The following SGCD variants were observed in gnomAD, a reference collection of about 807,000 sequenced individuals.
SGCD encodes the protein sarcoglycan delta, also known as delta-sarcoglycan.
SGCD carries 18 observed loss-of-function variants against 36.6 expected under a neutral mutation model. That is an observed-to-expected ratio of 0.49 (90% CI 0.34 to 0.73). The LOEUF (loss-of-function observed/expected upper bound fraction) is 0.73, where lower values mean the gene tolerates loss of function less well. SGCD is among the 30% of genes least tolerant of loss of function. The probability of loss-of-function intolerance (pLI) is 0.01; values close to 1 mark genes in which losing one functional copy is unlikely to be tolerated. For synonymous variants in SGCD, 133 were observed against 130.6 expected, an observed-to-expected ratio of 1.02 and a Z score of -0.12; for missense variants, 387 against 346.7, an observed-to-expected ratio of 1.12 and a Z score of -0.92.
At chr5:155,907,126 A>G (rs953673171) in intron 1 of SGCD, among the ~76,000 whole-genome samples, 1 of 152,104 alleles carries the variant, frequency 6.6e-6, no homozygotes, top group Non-Finnish European at 1.5e-5. Flanking sequence ...TGCTCTAGAA[A>G]TGGAACAGCA....
At chr5:156,362,201 A>C (rs931322805) in intron 3 of SGCD, among the ~76,000 whole-genome samples, 2 of 152,226 alleles carry the variant, frequency 1.3e-5, no homozygotes, top group Non-Finnish European at 2.9e-5. Flanking sequence ...TATGTCATTC[A>C]TGAGAGGCCA....
In SGCD at chr5:156,146,031, G is replaced by A. The variant is rs149433348; in HGVS notation, c.-44+22012G>A. On this transcript the variant is annotated intron_variant, in intron 3 of 9. Coordinates refer to the SGCD transcript ENST00000517913. ...GATCGAGACCATCCTGGCTAACATG[G>A]TGAAACCCCGTCACTACTAAAAATA... Among the ~76,000 whole-genome samples, 1,451 of 152,212 alleles carry A rather than the reference G, an allele frequency of 9.5e-3. 17 individuals are homozygous for A. The highest frequency in any genetic ancestry group is 0.033 in the African/African-American group (1,385 of 41,536).
chr5:155,835,154 G>A, the SGCD span, among the ~76,000 whole-genome samples: 2 of 151,166 alleles, frequency 1.3e-5, no homozygotes, highest in African/African-American at 4.9e-5. Flanking sequence ...GATTACAGGC[G>A]CCCACCACCA....
intron 1 of SGCD, among the ~76,000 whole-genome samples, chr5:155,895,652 A>C (rs921270337): frequency 1.3e-5 from 2 of 151,638 alleles, no homozygotes; most frequent in African/African-American, 4.8e-5. Context: ...GTCAAATTTG[A>C]AGTATAATGA....
At chr5:156,589,360 G>C in intron 5 of SGCD, 42 bp downstream of exon 5, 1 of 1,124,486 alleles carries the variant, frequency 8.9e-7, no homozygotes, top group Non-Finnish European at 1.3e-6. Context: ...CCCATGCGAG[G>C]CACTCAGAAT....
chr5:156,278,156 CAG>C (rs1463614580), intron 3 of SGCD, among the ~76,000 whole-genome samples: 1 of 152,008 alleles, frequency 6.6e-6, no homozygotes, highest in Non-Finnish European at 1.5e-5. Flanking sequence ...GGTCCTGAGA[CAG>C]AAGAGAAACT....
In SGCD at chr5:156,508,666, A is replaced by G. The variant is rs755568661; in HGVS notation, c.258A>G (p.Leu86=). The change falls in exon 4 of 9, where the codon TTA becomes TTG. Residue 86 remains leucine, a synonymous_variant. Transcript: ENST00000337851. ...AGCTAGAAGGAGACTCTGAATTCTT[A>G]CAACCTCTCTACGCCAAAGAAATCC... ...GLKLEGDSEF[L]QPLYAKEIQS... is the part of the protein sequence containing the mutation. The G allele has an allele frequency of 3.7e-6, 6 of 1,611,506 alleles. No individual in the cohort carries two copies. The highest frequency in any genetic ancestry group is 4.2e-6 in the Non-Finnish European group (5 of 1,178,202).
At chr5:156,723,850 A>T (rs1457749421) in intron 7 of SGCD, among the ~76,000 whole-genome samples, 3 of 150,100 alleles carry the variant, frequency 2.0e-5, no homozygotes, top group East Asian at 2.0e-4. Flanking sequence ...TTTTAAGCCA[A>T]GTGTGTGTGT....
chr5:156,156,619 G>A (rs1762970921), intron 3 of SGCD, among the ~76,000 whole-genome samples: 1 of 151,390 alleles, frequency 6.6e-6, no homozygotes. Flanking sequence ...GTCAGACTCT[G>A]CCTCAAGAAA....
intron 7 of SGCD, among the ~76,000 whole-genome samples, chr5:156,742,566 T>C (rs1756739409): frequency 6.6e-6 from 1 of 152,142 alleles, no homozygotes; most frequent in African/African-American, 2.4e-5. Context: ...TGCTACCTCT[T>C]ATGCACTTTC....
intron 1 of SGCD, among the ~76,000 whole-genome samples, chr5:155,879,646 C>T (rs1036297001): frequency 1.3e-5 from 2 of 152,142 alleles, no homozygotes. Flanking sequence ...GGAGAAAAGG[C>T]ATTGTTTTTC....
chr5:156,259,294 T>A (rs1286166068), intron 3 of SGCD, among the ~76,000 whole-genome samples: 1 of 152,026 alleles, frequency 6.6e-6, no homozygotes, highest in Non-Finnish European at 1.5e-5. Context: ...AGTTTGTGCC[T>A]ATCGTTTTAT....
intron 1 of SGCD, among the ~76,000 whole-genome samples, chr5:156,088,730 G>A (rs1433219523): frequency 1.3e-5 from 2 of 152,108 alleles, no homozygotes; most frequent in African/African-American, 4.8e-5. Flanking sequence ...ATGTTGCCCA[G>A]CCTGCAAGTG....
At position 156,162,622 on chromosome 5, in the gene SGCD, A is replaced by G. The variant is rs947708692; in HGVS notation, c.-44+38603A>G. Among the ~76,000 whole-genome samples the G allele has an allele frequency of 5.3e-5, 8 of 151,538 alleles. 1 individual carries two copies. Among genetic ancestry groups the G allele is most frequent in the African/African-American group, 2.0e-4 (8 of 40,870 alleles). Reference sequence around the variant, plus strand: ...GAAGAGATGGTGCATTGTACTCATCACCATTCCCCCATCGTTTTGTCCTTG... The same window carrying G: ...GAAGAGATGGTGCATTGTACTCATCGCCATTCCCCCATCGTTTTGTCCTTG... On this transcript the variant is annotated intron_variant, in intron 3 of 9. Transcript: ENST00000517913.
chr5:156,094,673 T>C (rs571506241), intron 1 of SGCD, among the ~76,000 whole-genome samples: 33 of 152,182 alleles, frequency 2.2e-4, no homozygotes, highest in Non-Finnish European at 3.7e-4. Context: ...GCCCAGAATG[T>C]ACCCCAAGGG....
intron 1 of SGCD, among the ~76,000 whole-genome samples, chr5:156,048,651 C>T (rs1394147144): frequency 1.1e-4 from 17 of 152,106 alleles, no homozygotes; most frequent in African/African-American, 2.2e-4. Context: ...TCATATCCTT[C>T]ACCCACTTTT....
At chr5:155,876,193 TC>T (rs1287484199) in intron 1 of SGCD, among the ~76,000 whole-genome samples, 5 of 76,470 alleles carry the variant, frequency 6.5e-5, no homozygotes, top group Admixed American at 3.5e-4. Flanking sequence ...ATGCTATCCC[TC>T]CCCCCTCCCC....
chr5:156,380,096 G>GAA (rs1770895907), intron 3 of SGCD, among the ~76,000 whole-genome samples: 1 of 152,076 alleles, frequency 6.6e-6, no homozygotes, highest in Non-Finnish European at 1.5e-5. Flanking sequence ...TAGAGTTCTT[G>GAA]GTGGTTGAGT....
In SGCD at chr5:156,161,990, C is replaced by T. The variant is rs567378172; in HGVS notation, c.-44+37971C>T. ...TAATTTCAGGTCAAACTTTTGATTT[C>T]CCCCCACTCATATTCCTTTCTGGAG... On this transcript the variant is annotated intron_variant, in intron 3 of 9. Transcript: ENST00000517913. Among the ~76,000 whole-genome samples, 78 of 151,170 alleles carry T rather than the reference C, an allele frequency of 5.2e-4. 3 individuals are homozygous for T. The highest frequency in any genetic ancestry group is 1.8e-3 in the African/African-American group (74 of 40,692).
Sources: allele counts gnomAD v4.1 joint callset (sites outside exome capture counted in the v4.1 genomes callset), GRCh38; gene constraint gnomAD v4.1.1; transcripts MANE v1.5; gene names NCBI Gene and HGNC (gene_info 2026-07-23, HGNC 2026-07-21).